Variants in MITD1 observed in about 807,000 individuals in gnomAD.
MITD1 encodes MIT domain-containing protein 1.
In MITD1, 24 loss-of-function variants were observed where a neutral mutation model predicts 34.9. The observed-to-expected ratio is 0.69, with a 90% CI of 0.50 to 0.97. The LOEUF is 0.97. Among genes scored for constraint, MITD1 ranks in the 50% least tolerant of loss-of-function variants. The probability of loss-of-function intolerance (pLI) is 0.00; values close to 1 mark genes in which losing one functional copy is unlikely to be tolerated. For synonymous variants in MITD1, 102 were observed against 101.4 expected, an observed-to-expected ratio of 1.01 and a Z score of -0.04; for missense variants, 266 against 294.6, an observed-to-expected ratio of 0.90 and a Z score of 0.71.
chr2:99,162,352 T>G (rs2093801063), intron 7 of MITD1: 2 of 1,613,856 alleles, frequency 1.2e-6, no homozygotes, highest in Non-Finnish European at 1.7e-6. Context: ...AATCTGAAAT[T>G]AATTGTGAGA....
Position 99,180,852 on chromosome 2 carries a change from G to T in MITD1, c.130C>A (p.Leu44Met), listed in dbSNP as rs1337583541. The T allele has an allele frequency of 1.2e-6, 2 of 1,614,034 alleles. No homozygotes were observed. The highest frequency in any genetic ancestry group is 1.7e-6 in the Non-Finnish European group (2 of 1,180,020). ...TCACCTTTCAGAACCTGCAGGAGCA[G>T]ATCAATCCCCTCTTGGTAACACACC... The part of the protein sequence containing the change: ...ALVCYQEGID[L>M]LLQVLKGTKD... Residue 44 changes from leucine to methionine, a missense_variant, in exon 1 of 7, where the codon CTG becomes ATG. Physicochemically the swap from Leu to Met is conservative, Grantham distance 15. Transcript: ENST00000289359.
intron 5 of MITD1, among the ~76,000 whole-genome samples, 160 bp downstream of exon 5, chr2:99,170,377 T>G (rs911532050): frequency 1.3e-5 from 2 of 151,936 alleles, no homozygotes; most frequent in African/African-American, 2.4e-5. Context: ...AGCCAAGTGT[T>G]TTTTTTCTTC....
rs191474531 is a variant in MITD1, at chr2:99,162,898, C to T, written c.*4-680G>A. On this transcript the variant is annotated intron_variant, in intron 7 of 7. Coordinates refer to the MITD1 transcript ENST00000422537. Reference sequence around the variant, plus strand: ...AGAATTGAAATTTGTAATATTGAAGCACCTGATCATTGGTTGCCATTGGAA... The same window carrying T: ...AGAATTGAAATTTGTAATATTGAAGTACCTGATCATTGGTTGCCATTGGAA... 6.3e-5 allele frequency: 102 copies of T among 1,613,090 alleles called. No homozygotes were observed. Among genetic ancestry groups the T allele is most frequent in the Non-Finnish European group, 8.1e-5 (96 of 1,179,534 alleles).
chr2:99,180,303 C>T (rs1401300858), intron 1 of MITD1, among the ~76,000 whole-genome samples: 1 of 152,036 alleles, frequency 6.6e-6, no homozygotes, highest in Admixed American at 6.5e-5. Context: ...TACCCATCAC[C>T]GAAATTTTTA....
exon 8 of MITD1, chr2:99,162,129 G>C: frequency 1.2e-6 from 2 of 1,614,104 alleles, no homozygotes; most frequent in Non-Finnish European, 1.7e-6. Flanking sequence ...TATGAATCTA[G>C]AAGGCAAACC....
rs2093850569 is a variant in MITD1, at chr2:99,170,601, G to C, written c.529C>G (p.Leu177Val). Residue 177 changes from leucine to valine, a missense_variant, in exon 5 of 7, where the codon CTC becomes GTC. Leu to Val is a conservative substitution (Grantham distance 32). Transcript: ENST00000289359. ...SRGLQEIEESLRSHGVLLEVQ... is the reference protein window; with the variant it reads ...SRGLQEIEESVRSHGVLLEVQ... ...TCCAACAGCACTCCGTGACTCCTGA[G>C]TGACTCTTCTATTTCTTGCAGGCCT... The C allele has an allele frequency of 6.2e-7, 1 of 1,609,406 alleles. No individual in the cohort carries two copies. The highest frequency in any genetic ancestry group is 8.5e-7 in the Non-Finnish European group (1 of 1,176,452).
At chr2:99,168,927 A>G (rs917425281), downstream of MITD1, among the ~76,000 whole-genome samples, 10 of 137,916 alleles carry the variant, frequency 7.3e-5, no homozygotes, top group Non-Finnish European at 1.5e-4. Context: ...CTATAGGCAC[A>G]TGCCACCATG....
intron 2 of MITD1, 48 bp from the exon 3 acceptor site, chr2:99,171,694 T>C (rs2093859155): frequency 1.3e-6 from 2 of 1,538,568 alleles, no homozygotes; most frequent in Non-Finnish European, 1.8e-6. Flanking sequence ...ATTTTTTTTT[T>C]ACACATTTTA....
chr2:99,172,946 A>G (rs1002136994), intron 2 of MITD1: 1 of 152,132 alleles, frequency 6.6e-6, no homozygotes, highest in Non-Finnish European at 1.5e-5. Flanking sequence ...TTTAAAAATC[A>G]GTAGTTTGGA....
chr2:99,165,199 CTGGAACTACAGGCT>C (rs1265685763), downstream of MITD1, among the ~76,000 whole-genome samples: 2 of 152,164 alleles, frequency 1.3e-5, no homozygotes, highest in African/African-American at 4.8e-5. Flanking sequence ...TCCCAAGTAG[CTGGAACTACAGGCT>C]TGCACCACCA....
Position 99,169,591 on chromosome 2 carries a change from T to C in MITD1, c.613A>G (p.Ile205Val). 6.2e-7 allele frequency: 1 copy of C among 1,607,922 alleles called. No individual in the cohort carries two copies. The highest frequency in any genetic ancestry group is 8.5e-7 in the Non-Finnish European group (1 of 1,174,490). ...REIRFNNGWMIKIGRGLDYFK... is the reference protein window; with the variant it reads ...REIRFNNGWMVKIGRGLDYFK... ...TAATCAAGTCCCCTTCCAATCTTAA[T>C]CATCCATCCATTGTTGAACCTGTTG... The change falls in exon 6 of 7, where the codon ATT becomes GTT. Residue 205 changes from isoleucine to valine, a missense_variant. By Grantham distance (29) the Ile-to-Val change is conservative. Transcript: ENST00000289359.
chr2:99,163,082 C>A, intron 7 of MITD1: 5 of 1,521,584 alleles, frequency 3.3e-6, no homozygotes, highest in Non-Finnish European at 2.6e-6. Context: ...TAATGTGATT[C>A]CAAGTAAATG....
chr2:99,171,096 G>A (rs975654889), intron 4 of MITD1, among the ~76,000 whole-genome samples: 1 of 152,202 alleles, frequency 6.6e-6, no homozygotes, highest in African/African-American at 2.4e-5. Flanking sequence ...TTGCCTCCTA[G>A]AATATCCAAG....
At chr2:99,171,683 C>T in intron 2 of MITD1, 37 bp from the exon 3 acceptor site, 1 of 1,572,536 alleles carries the variant, frequency 6.4e-7, no homozygotes, top group Non-Finnish European at 8.6e-7. Flanking sequence ...AACCAGTGAC[C>T]ATTTTTTTTT....
downstream of MITD1, among the ~76,000 whole-genome samples, chr2:99,164,486 CCTCT>C (rs1255398241): frequency 6.6e-6 from 1 of 152,136 alleles, no homozygotes; most frequent in Non-Finnish European, 1.5e-5. Flanking sequence ...TGCCCAGCTC[CCTCT>C]GTTTATGAGT....
intron 2 of MITD1, chr2:99,173,664 G>A (rs2093870160): frequency 3.8e-6 from 2 of 524,830 alleles, no homozygotes; most frequent in Non-Finnish European, 3.4e-6. Context: ...AGTAAGTATA[G>A]CTTTCATGAG....
intron 1 of MITD1, among the ~76,000 whole-genome samples, chr2:99,175,028 T>C (rs1197506276): frequency 3.3e-5 from 5 of 152,254 alleles, no homozygotes; most frequent in Non-Finnish European, 7.3e-5. Flanking sequence ...GCCCAGCCAA[T>C]AATTTCATTT....
intron 7 of MITD1, chr2:99,162,949 T>C: frequency 3.7e-6 from 6 of 1,614,010 alleles, no homozygotes; most frequent in Non-Finnish European, 5.1e-6. Context: ...AATTCAAGTC[T>C]TATTGGCAGT....
At position 99,171,578 on chromosome 2, in the gene MITD1, G is replaced by A. The variant is rs570556878; in HGVS notation, c.322C>T (p.Arg108Cys). 30 of 1,612,334 alleles carry A rather than the reference G, an allele frequency of 1.9e-5. No homozygotes were observed. In the East Asian group the frequency reaches 4.9e-4, roughly 26 times the overall value. Residue 108 changes from arginine to cysteine, a missense_variant, in exon 3 of 7, where the codon CGC becomes TGC. Coordinates refer to ENST00000289359, the MANE Select transcript of MITD1 (RefSeq NM_138798.3). ...ATGFSYESLF[R>C]EYLNETVTEV... ...GTAACTGTCTCATTAAGGTATTCGC[G>A]AAAAAGTGACTCATAACTGAAACCT...
Sources: allele counts gnomAD v4.1 joint callset (sites outside exome capture counted in the v4.1 genomes callset), GRCh38; gene constraint gnomAD v4.1.1; transcripts MANE v1.5; gene names NCBI Gene and HGNC (gene_info 2026-07-23, HGNC 2026-07-21).